PCDHA4: variants seen among roughly 807,000 people sequenced by gnomAD.
The protein encoded by PCDHA4 is protocadherin alpha-4.
PCDHA4 carries 49 observed loss-of-function variants against 61.4 expected under a neutral mutation model. The observed-to-expected ratio is 0.80, with a 90% CI of 0.63 to 1.01. The LOEUF (loss-of-function observed/expected upper bound fraction) is 1.01, where lower values mean the gene tolerates loss of function less well. Among genes scored for constraint, PCDHA4 ranks in the 50% least tolerant of loss-of-function variants. The pLI is 0.00. For synonymous variants in PCDHA4, 590 were observed against 550.3 expected, an observed-to-expected ratio of 1.07 and a Z score of -1.01; for missense variants, 1,254 against 1,235.8, an observed-to-expected ratio of 1.01 and a Z score of -0.22.
chr5:140,883,870 G>A, intron 1 of PCDHA4: 1 of 1,613,302 alleles, frequency 6.2e-7, no homozygotes. Flanking sequence ...TGCAGTTCCA[G>A]GTGAGCGCGC....
At position 140,859,292 on chromosome 5, in the gene PCDHA4, CT is replaced by C. The variant is rs1226140670; in HGVS notation, c.2385+49723del. 1.3e-3 allele frequency: 281 copies of C among 215,310 alleles called. 12 individuals are homozygous for C. Among genetic ancestry groups the C allele is most frequent in the African/African-American group, 6.4e-3 (274 of 42,824 alleles). 13.3% of individuals were successfully genotyped at this position (215,310 alleles called of 1,614,324 possible). A position where few individuals can be genotyped will look rare whatever the true frequency, so the allele number is the denominator to read the frequency against. ...CTTTTTACTTTTGAGACTGAAAATA[CT>C]TTAGTATGAATTAATATTAAAAGTT... On this transcript the variant is annotated intron_variant, in intron 1 of 3. Transcript: ENST00000530339.
chr5:140,807,856 T>A lies in PCDHA4; in HGVS notation c.669T>A (p.Thr223=), dbSNP rs781955377. Residue 223 remains threonine, a synonymous_variant, in exon 1 of 4, where the codon ACT becomes ACA. Coordinates refer to ENST00000530339, the MANE Select transcript of PCDHA4 (RefSeq NM_018907.4). ...TATDGGKPEL[T]GTVQLLITVL... is the part of the protein sequence containing the mutation. ...CTGATGGAGGCAAACCCGAGTTGAC[T>A]GGCACCGTTCAGTTACTCATCACAG... is the stretch of plus-strand genomic sequence containing the variant. The A allele has an allele frequency of 1.2e-6, 2 of 1,614,214 alleles. No homozygotes were observed. Among genetic ancestry groups the A allele is most frequent in the Non-Finnish European group, 1.7e-6 (2 of 1,180,022 alleles).
intron 1 of PCDHA4, chr5:140,834,610 A>C: frequency 5.0e-6 from 8 of 1,614,064 alleles, no homozygotes; most frequent in Non-Finnish European, 6.8e-6. Context: ...GATCTTCTGG[A>C]GGTAAATCTG....
intron 1 of PCDHA4, chr5:140,823,729 G>A (rs1244512235): frequency 6.2e-7 from 1 of 1,613,780 alleles, no homozygotes; most frequent in Non-Finnish European, 8.5e-7. Flanking sequence ...GCTGGTGAAG[G>A]ACCATGGAGA....
intron 1 of PCDHA4, chr5:140,968,611 G>A: frequency 6.2e-7 from 1 of 1,614,194 alleles, no homozygotes; most frequent in African/African-American, 1.3e-5. Flanking sequence ...CAGACTCTGG[G>A]CAAAATGCTT....
chr5:140,835,887 C>A (rs1554135389), intron 1 of PCDHA4: 1 of 1,611,780 alleles, frequency 6.2e-7, no homozygotes, highest in South Asian at 1.1e-5. Flanking sequence ...GGTGGGCGAG[C>A]GCGCGCTGTC....
Position 140,857,640 on chromosome 5 carries a change from A to T in PCDHA4, c.2385+48068A>T, listed in dbSNP as rs1554150415. The T allele has an allele frequency of 1.3e-6, 2 of 1,596,722 alleles. 1 individual carries two copies. The highest frequency in any genetic ancestry group is 3.4e-5 in the Admixed American group (2 of 59,300). On this transcript the variant is annotated intron_variant, in intron 1 of 3. Coordinates refer to ENST00000530339, the MANE Select transcript of PCDHA4 (RefSeq NM_018907.4). The stretch of plus-strand genomic sequence containing the variant: ...GACCACGAGGAGCTGGAGCTGCTAC[A>T]GTTCCAGGTGAGCGCGCGCGATGGG...
intron 1 of PCDHA4, among the ~76,000 whole-genome samples, chr5:140,892,823 C>T (rs1554185387): frequency 6.6e-6 from 1 of 152,120 alleles, no homozygotes; most frequent in East Asian, 1.9e-4. Context: ...TCCTACAGTG[C>T]TACAGTGCTG....
intron 1 of PCDHA4, chr5:140,869,090 C>T: frequency 6.3e-7 from 1 of 1,589,674 alleles, no homozygotes; most frequent in Non-Finnish European, 8.6e-7. Context: ...TTTTGGAAGC[C>T]AATTTCGTAT....
chr5:140,826,260 T>C (rs1554130510), intron 1 of PCDHA4, among the ~76,000 whole-genome samples: 1 of 152,220 alleles, frequency 6.6e-6, no homozygotes, highest in Admixed American at 6.5e-5. Context: ...ATATATCAAG[T>C]CTTTATGTAT....
chr5:140,870,347 AGAACGTGTGGGCCTAT>A (rs782552389), intron 1 of PCDHA4: 3 of 1,614,176 alleles, frequency 1.9e-6, no homozygotes, highest in Non-Finnish European at 2.5e-6. Flanking sequence ...CTGGACCGCG[AGAACGTGTGGGCCTAT>A]GAACTGGTGG....
chr5:140,899,268 C>T (rs2067238736), intron 1 of PCDHA4, among the ~76,000 whole-genome samples: 1 of 152,078 alleles, frequency 6.6e-6, no homozygotes, highest in Non-Finnish European at 1.5e-5. Context: ...TGTCTTGTGG[C>T]AGTTTTCAAA....
rs782035990 is a variant in PCDHA4 at position 140,871,124 on chromosome 5, C to A, written c.2385+61552C>A. 142 of 1,613,206 alleles carry A rather than the reference C, an allele frequency of 8.8e-5. No individual in the cohort carries two copies. The highest frequency in any genetic ancestry group is 1.2e-4 in the Non-Finnish European group (138 of 1,179,888). Reference sequence around the variant, plus strand: ...GTGTCGTTGGTGGAGAGCGGACAGGCGCCAAAGGCCTCTTCCCGGACTTTG... The same window carrying A: ...GTGTCGTTGGTGGAGAGCGGACAGGAGCCAAAGGCCTCTTCCCGGACTTTG... On this transcript the variant is annotated intron_variant, in intron 1 of 3. Coordinates refer to ENST00000530339, the MANE Select transcript of PCDHA4 (RefSeq NM_018907.4).
chr5:140,870,080 C>T (rs2051640102), intron 1 of PCDHA4: 1 of 1,613,722 alleles, frequency 6.2e-7, no homozygotes, highest in Non-Finnish European at 8.5e-7. Flanking sequence ...GATAAGGGGA[C>T]TCCCCCAATG....
At chr5:140,823,863 C>G (rs139591086) in intron 1 of PCDHA4, 4 of 1,613,882 alleles carry the variant, frequency 2.5e-6, no homozygotes, top group Admixed American at 3.3e-5. Context: ...TGGATGTCAA[C>G]GTGTACCTGA....
chr5:140,891,311 T>C (rs563637309), intron 1 of PCDHA4, among the ~76,000 whole-genome samples: 1 of 152,216 alleles, frequency 6.6e-6, no homozygotes, highest in African/African-American at 2.4e-5. Context: ...ATTACATGAG[T>C]AAGTTCTTTG....
intron 1 of PCDHA4, chr5:140,856,086 T>C (rs1554148156): frequency 1.9e-6 from 3 of 1,596,442 alleles, no homozygotes; most frequent in Non-Finnish European, 2.6e-6. Flanking sequence ...GTCCAGTGTC[T>C]GCTGCTCTCG....
intron 1 of PCDHA4, chr5:140,870,081 T>G (rs782572380): frequency 1.2e-6 from 2 of 1,613,698 alleles, no homozygotes. Context: ...ATAAGGGGAC[T>G]CCCCCAATGG....
At chr5:140,993,460 T>TCACA (rs1554253699) in intron 3 of PCDHA4, among the ~76,000 whole-genome samples, 76 of 104,564 alleles carry the variant, frequency 7.3e-4, no homozygotes, top group Admixed American at 2.0e-3. Context: ...CTTCTTTCTT[T>TCACA]CTCACACACA....
Sources: allele counts gnomAD v4.1 joint callset (sites outside exome capture counted in the v4.1 genomes callset), GRCh38; gene constraint gnomAD v4.1.1; transcripts MANE v1.5; gene names NCBI Gene and HGNC (gene_info 2026-07-23, HGNC 2026-07-21).